CDYL2: variants seen among roughly 807,000 people sequenced by gnomAD.
The protein encoded by CDYL2 is chromodomain Y-like protein 2.
A neutral mutation model predicts 49.4 loss-of-function variants in CDYL2; 23 were observed. That is an observed-to-expected ratio of 0.47 (90% CI 0.34 to 0.66). The LOEUF is 0.66. Among genes scored for constraint, CDYL2 ranks in the 30% least tolerant of loss-of-function variants. The pLI, the probability that CDYL2 is intolerant of heterozygous loss-of-function variation, is 0.01. For missense variants in CDYL2, 678 were observed against 656.4 expected (o/e 1.03, Z -0.36); for synonymous variants, 360 against 268.8 (o/e 1.34, Z -3.32).
chr16:80,736,464 G>C (rs889938296), intron 1 of CDYL2: 1 of 152,226 alleles, frequency 6.6e-6, no homozygotes, highest in Non-Finnish European at 1.5e-5. Context: ...GAGGTACAAA[G>C]CTGAACCCCC....
At chr16:80,788,701 T>G (rs928501322) in intron 1 of CDYL2, among the ~76,000 whole-genome samples, 1 of 152,236 alleles carries the variant, frequency 6.6e-6, no homozygotes, top group African/African-American at 2.4e-5. Context: ...AACCGTCTGG[T>G]GTCTGTGAAT....
At chr16:80,616,534 C>G (rs1328346947) in intron 4 of CDYL2, among the ~76,000 whole-genome samples, 3 of 152,178 alleles carry the variant, frequency 2.0e-5, no homozygotes, top group African/African-American at 7.2e-5. Flanking sequence ...ACCCAACTCC[C>G]TTTAACCAGA....
intron 2 of CDYL2, among the ~76,000 whole-genome samples, chr16:80,671,798 T>C (rs1204265646): frequency 6.6e-6 from 1 of 152,206 alleles, no homozygotes; most frequent in Non-Finnish European, 1.5e-5. Flanking sequence ...TATTCTTTTT[T>C]GGATGGAGTT....
Position 80,760,453 on chromosome 16 carries a change from G to A in CDYL2, c.24+43697C>T, listed in dbSNP as rs550855499. On this transcript the variant is annotated intron_variant, in intron 1 of 6. Coordinates refer to ENST00000570137, the MANE Select transcript of CDYL2 (RefSeq NM_152342.4). The stretch of plus-strand genomic sequence containing the variant: ...CAGGGTGACTATAGTCAATAATAAC[G>A]TAATTGTACATTTTAAAATAACTAA... 4.6e-5 allele frequency among the ~76,000 whole-genome samples: 7 copies of A among 152,226 alleles called. No individual in the cohort carries two copies. The South Asian group carries it at 1.0e-3, about 23-fold the overall frequency.
At chr16:80,674,188 G>A (rs1274271122) in intron 2 of CDYL2, among the ~76,000 whole-genome samples, 1 of 152,158 alleles carries the variant, frequency 6.6e-6, no homozygotes, top group Non-Finnish European at 1.5e-5. Flanking sequence ...GGGAGCCTGG[G>A]TTCACGAGTG....
rs1906081311 is a variant in CDYL2, at chr16:80,601,486, A to G, written c.*2902T>C. 6.6e-6 allele frequency: 1 copy of G among 152,148 alleles called. No individual in the cohort carries two copies. 9.4% of individuals were successfully genotyped at this position (152,148 alleles called of 1,614,324 possible). A position where few individuals can be genotyped will look rare whatever the true frequency, so the allele number is the denominator to read the frequency against. ...GACTTATGGGGGAAGGTACGGGAAA[A>G]TGGTAGAGAGAGGGGAGAAAGGATC... On this transcript the variant is annotated 3_prime_UTR_variant, in exon 7 of 7. Coordinates refer to ENST00000570137, the MANE Select transcript of CDYL2 (RefSeq NM_152342.4).
chr16:80,728,306 G>A (rs1905228478), intron 1 of CDYL2, among the ~76,000 whole-genome samples: 1 of 152,100 alleles, frequency 6.6e-6, no homozygotes, highest in Non-Finnish European at 1.5e-5. Flanking sequence ...GAATGCAGAA[G>A]CCTCAGGAGC....
chr16:80,699,106 T>C (rs1422177633), intron 1 of CDYL2, among the ~76,000 whole-genome samples: 1 of 152,106 alleles, frequency 6.6e-6, no homozygotes, highest in East Asian at 1.9e-4. Flanking sequence ...AGGAGGTTCC[T>C]CAAAAAAACT....
intron 3 of CDYL2, among the ~76,000 whole-genome samples, chr16:80,622,793 A>C (rs961191992): frequency 6.6e-6 from 1 of 152,146 alleles, no homozygotes; most frequent in East Asian, 1.9e-4. Flanking sequence ...TTTGCACCCC[A>C]TGAAAGCTAA....
intron 1 of CDYL2, among the ~76,000 whole-genome samples, chr16:80,778,429 T>TA (rs1907161045): frequency 6.6e-6 from 1 of 151,894 alleles, no homozygotes; most frequent in African/African-American, 2.4e-5. Context: ...GGTAAGATGA[T>TA]ATAATTTAAG....
At chr16:80,731,205 G>A (rs1266376399) in intron 1 of CDYL2, among the ~76,000 whole-genome samples, 3 of 151,870 alleles carry the variant, frequency 2.0e-5, no homozygotes, top group Admixed American at 6.6e-5. Flanking sequence ...AATAAAAAAG[G>A]AATATTAACA....
intron 2 of CDYL2, among the ~76,000 whole-genome samples, chr16:80,659,027 T>C (rs1417398347): frequency 1.3e-5 from 2 of 151,938 alleles, no homozygotes; most frequent in Middle Eastern, 3.4e-3. Flanking sequence ...GTAAGAATCC[T>C]TGAATTTGTA....
chr16:80,789,951 C>T (rs1472103765), intron 1 of CDYL2, among the ~76,000 whole-genome samples: 1 of 152,090 alleles, frequency 6.6e-6, no homozygotes, highest in Non-Finnish European at 1.5e-5. Context: ...GAAAAATTAC[C>T]TACTGGGTAC....
At chr16:80,668,774 C>A (rs1283191247) in intron 2 of CDYL2, among the ~76,000 whole-genome samples, 1 of 151,996 alleles carries the variant, frequency 6.6e-6, no homozygotes, top group African/African-American at 2.4e-5. Context: ...GGGTGGGCAC[C>A]TGTAATCTCA....
chr16:80,630,361 G>A (rs1442647801), intron 3 of CDYL2, among the ~76,000 whole-genome samples: 1 of 152,208 alleles, frequency 6.6e-6, no homozygotes, highest in Non-Finnish European at 1.5e-5. Context: ...TTACCACCCA[G>A]GGCTGCTCCA....
chr16:80,670,541 C>A (rs1365465246), intron 2 of CDYL2, among the ~76,000 whole-genome samples: 1 of 152,118 alleles, frequency 6.6e-6, no homozygotes, highest in Non-Finnish European at 1.5e-5. Flanking sequence ...TCATTAGCAA[C>A]TTGAGAATGG....
chr16:80,686,623 T>A (rs1910206197), intron 1 of CDYL2, among the ~76,000 whole-genome samples: 1 of 152,220 alleles, frequency 6.6e-6, no homozygotes, highest in Non-Finnish European at 1.5e-5. Context: ...TATGTTTACG[T>A]GTTTGAATTT....
chr16:80,693,101 G>C, intron 1 of CDYL2, among the ~76,000 whole-genome samples: 1 of 136,280 alleles, frequency 7.3e-6, no homozygotes, highest in Non-Finnish European at 1.6e-5. Flanking sequence ...AGTGATCGAA[G>C]CCAGATCAGT....
chr16:80,775,663 C>T (rs1907058616), intron 1 of CDYL2, among the ~76,000 whole-genome samples: 1 of 151,774 alleles, frequency 6.6e-6, no homozygotes, highest in Non-Finnish European at 1.5e-5. Flanking sequence ...CATATGATGT[C>T]ATAAATAATT....
Sources: gnomAD v4.1 joint callset for allele counts (sites outside exome capture counted in the v4.1 genomes callset) on GRCh38, gnomAD v4.1.1 for gene constraint, MANE v1.5 for transcripts, NCBI Gene and HGNC (gene_info 2026-07-23, HGNC 2026-07-21) for gene names.